Variants in SSX2IP observed in about 807,000 individuals in gnomAD.
SSX2IP encodes the protein afadin- and alpha-actinin-binding protein.
In SSX2IP, 55 loss-of-function variants were observed where a neutral mutation model predicts 84.9. That is an observed-to-expected ratio of 0.65 (90% CI 0.52 to 0.81). SSX2IP has a LOEUF of 0.81. Ranked by LOEUF, SSX2IP falls within the 30% of genes least tolerant of loss-of-function variation. SSX2IP has a pLI of 0.00. For synonymous variants in SSX2IP, 239 were observed against 234.7 expected (o/e 1.02, Z -0.17); for missense variants, 664 against 705.2 (o/e 0.94, Z 0.66).
At chr1:84,651,309 G>T (rs1169615066) in intron 12 of SSX2IP, among the ~76,000 whole-genome samples, 1 of 151,468 alleles carries the variant, frequency 6.6e-6, no homozygotes, top group Non-Finnish European at 1.5e-5. Context: ...ACTACATCTT[G>T]AAAAAAGAAA....
chr1:84,685,056 CG>C (rs1465357805), intron 1 of SSX2IP, among the ~76,000 whole-genome samples: 1 of 152,122 alleles, frequency 6.6e-6, no homozygotes, highest in African/African-American at 2.4e-5. Context: ...ATTAAACAAA[CG>C]TGTCATGAGC....
chr1:84,651,941 C>G lies in SSX2IP; in HGVS notation c.1446G>C (p.Met482Ile). Reference protein sequence around the residue: ...ASWLKQQFLNMTTFDHQNSEN... With the variant: ...ASWLKQQFLNITTFDHQNSEN... ...CTGAGTTCTGGTGGTCAAAGGTAGT[C>G]ATATTTAGAAACTGCTGCTTTAACC... Residue 482 changes from methionine (M) to isoleucine (I), a missense_variant, in exon 12 of 14, where the codon ATG (methionine) becomes ATC (isoleucine). Met to Ile is a conservative substitution (Grantham distance 10). Coordinates refer to ENST00000342203, the MANE Select transcript of SSX2IP (RefSeq NM_001166293.2). 6.2e-7 allele frequency: 1 copy of G among 1,613,932 alleles called. No individual in the cohort carries two copies. Among genetic ancestry groups the G allele is most frequent in the Non-Finnish European group, 8.5e-7 (1 of 1,179,896 alleles).
chr1:84,655,998 AGCT>A lies in SSX2IP; in HGVS notation c.1220_1222del (p.Gln407del). 7 of 1,608,734 alleles carry A rather than the reference AGCT, an allele frequency of 4.4e-6. No homozygotes were observed. The highest frequency in any genetic ancestry group is 1.7e-5 in the Admixed American group (1 of 59,030). Reference sequence around the variant, plus strand: ...GGTATCATCATCATATGCAGTAGCGAGCTGCTGCTATTAAAATTTAAAACATAG... The same window carrying A: ...GGTATCATCATCATATGCAGTAGCGAGCTGCTATTAAAATTTAAAACATAG... On this transcript the variant is annotated inframe_deletion, in exon 11 of 14. Coordinates refer to ENST00000342203, the MANE Select transcript of SSX2IP (RefSeq NM_001166293.2).
At chr1:84,656,319 A>G (rs773239996) in intron 10 of SSX2IP, 29 bp downstream of exon 10, 118 of 1,601,506 alleles carry the variant, frequency 7.4e-5, no homozygotes, top group Non-Finnish European at 9.7e-5. Flanking sequence ...TTTCATGGAG[A>G]ACAGCTTTAA....
At chr1:84,681,706 T>C (rs983714067) in intron 1 of SSX2IP, among the ~76,000 whole-genome samples, 2 of 152,226 alleles carry the variant, frequency 1.3e-5, no homozygotes. Context: ...TCCCAAAAAG[T>C]AGCAGCCCTG....
intron 5 of SSX2IP, 115 bp from the exon 6 acceptor site, chr1:84,664,667 A>T: frequency 1.1e-6 from 1 of 900,232 alleles, no homozygotes; most frequent in East Asian, 3.0e-5. Context: ...ATTCTTCCTT[A>T]TTTGTAACCA....
intron 1 of SSX2IP, among the ~76,000 whole-genome samples, chr1:84,687,127 C>T (rs894108258): frequency 1.3e-5 from 2 of 152,018 alleles, no homozygotes; most frequent in Admixed American, 1.3e-4. Flanking sequence ...CTAATCACAC[C>T]CCTACGAAGC....
intron 1 of SSX2IP, among the ~76,000 whole-genome samples, chr1:84,674,906 G>C (rs1333529458): frequency 6.6e-6 from 1 of 152,142 alleles, no homozygotes; most frequent in Non-Finnish European, 1.5e-5. Flanking sequence ...GTTTTTCCAA[G>C]AAAGGGGACT....
Position 84,662,676 on chromosome 1 carries a change from T to C in SSX2IP, c.674-146A>G, listed in dbSNP as rs555371261. 5 of 696,764 alleles carry C rather than the reference T, an allele frequency of 7.2e-6. No individual in the cohort carries two copies. The East Asian group carries it at 1.4e-4, about 20-fold the overall frequency. 43.2% of individuals were successfully genotyped at this position (696,764 alleles called of 1,614,324 possible). ...TTAAACAGCCTAATTTTCGAGTTTC[T>C]AGTTCCACCACTTGTAAGCAATGAG... On this transcript the variant is annotated intron_variant, in intron 6 of 13. Transcript: ENST00000342203.
Position 84,649,865 on chromosome 1 carries a change from G to A in SSX2IP, c.1670+497C>T, listed in dbSNP as rs758318403. On this transcript the variant is annotated intron_variant, in intron 13 of 13. Coordinates refer to ENST00000342203, the MANE Select transcript of SSX2IP (RefSeq NM_001166293.2). Reference sequence around the variant, plus strand: ...GAGCAACATATGGGTTTCCCAGGGTGGAGAGCCATGTTTTTTTACACTGTC... The same window carrying A: ...GAGCAACATATGGGTTTCCCAGGGTAGAGAGCCATGTTTTTTTACACTGTC... The A allele has an allele frequency of 7.4e-5, 37 of 501,266 alleles. No individual in the cohort carries two copies. The Middle Eastern group carries it at 9.7e-4, about 13-fold the overall frequency. The allele number at this position is 501,266 out of a possible 1,614,324, so 31.1% of individuals were successfully genotyped here. A position where few individuals can be genotyped will look rare whatever the true frequency, so the allele number is the denominator to read the frequency against.
At chr1:84,688,379 A>G (rs1402627916) in intron 1 of SSX2IP, among the ~76,000 whole-genome samples, 1 of 152,260 alleles carries the variant, frequency 6.6e-6, no homozygotes, top group Non-Finnish European at 1.5e-5. Flanking sequence ...AGTAAGGCAT[A>G]TTCACAGCTA....
rs1927 is a variant in SSX2IP, at chr1:84,646,497, A to G, written c.*936T>C. ...CCCTAGTTAGTATACAGATATTACTATACTGGTACCCATCTTGTAAGGAAA... is the reference window on the plus strand; with the variant it reads ...CCCTAGTTAGTATACAGATATTACTGTACTGGTACCCATCTTGTAAGGAAA... On this transcript the variant is annotated 3_prime_UTR_variant, in exon 14 of 14. Transcript: ENST00000342203. The G allele has an allele frequency of 0.077, 11,726 of 152,656 alleles. 495 individuals carry two copies. The highest frequency in any genetic ancestry group is 0.095 in the South Asian group (460 of 4,824). The allele number at this position is 152,656 out of a possible 1,614,324, so 9.5% of individuals were successfully genotyped here. A position where few individuals can be genotyped will look rare whatever the true frequency, so the allele number is the denominator to read the frequency against.
At chr1:84,668,879 T>A (rs1181348066) in intron 4 of SSX2IP, among the ~76,000 whole-genome samples, 2 of 152,120 alleles carry the variant, frequency 1.3e-5, no homozygotes, top group African/African-American at 4.8e-5. Context: ...TCTGACAGTA[T>A]GCAAATGCAA....
rs1470260446 is a variant in SSX2IP, at chr1:84,647,228, G to GAACCAGA, written c.*204_*205insTCTGGTT. The GAACCAGA allele has an allele frequency of 2.5e-6, 1 of 394,186 alleles. No individual in the cohort carries two copies. Among genetic ancestry groups the GAACCAGA allele is most frequent in the East Asian group, 3.9e-5 (1 of 25,496 alleles). 24.4% of individuals were successfully genotyped at this position (394,186 alleles called of 1,614,324 possible). ...TTTATTCACAGAACCAGATGCTTCT[G>GAACCAGA]TTACTAAAAATACATATCCAAAGCT... is the stretch of plus-strand genomic sequence containing the variant. On this transcript the variant is annotated 3_prime_UTR_variant, in exon 14 of 14. Coordinates refer to ENST00000342203, the MANE Select transcript of SSX2IP (RefSeq NM_001166293.2).
At chr1:84,655,310 T>C in intron 11 of SSX2IP, 1 of 982,050 alleles carries the variant, frequency 1.0e-6, no homozygotes, top group Non-Finnish European at 1.2e-6. Flanking sequence ...TTTTGTTGAT[T>C]TTTTTTTTTT....
chr1:84,663,057 G>A (rs1652259796), intron 6 of SSX2IP, among the ~76,000 whole-genome samples: 1 of 152,038 alleles, frequency 6.6e-6, no homozygotes, highest in South Asian at 2.1e-4. Context: ...ATCCCATAAA[G>A]CTGAAAATGT....
At chr1:84,671,466 T>C (rs1375975943) in intron 1 of SSX2IP, among the ~76,000 whole-genome samples, 158 bp from the exon 2 acceptor site, 4 of 152,172 alleles carry the variant, frequency 2.6e-5, no homozygotes, top group Non-Finnish European at 4.4e-5. Flanking sequence ...TGTATATACA[T>C]AGAAATATAA....
intron 4 of SSX2IP, 127 bp downstream of exon 4, chr1:84,669,554 T>C: frequency 8.3e-6 from 6 of 723,302 alleles, no homozygotes; most frequent in Non-Finnish European, 1.4e-5. Context: ...AGTTCACTTT[T>C]ACTTACCTGT....
intron 1 of SSX2IP, among the ~76,000 whole-genome samples, chr1:84,683,674 T>C (rs1655391223): frequency 1.3e-5 from 2 of 152,230 alleles, no homozygotes; most frequent in Admixed American, 1.3e-4. Context: ...GCTGAATGAA[T>C]GTCCAAGTTC....
Sources: gnomAD v4.1 joint callset for allele counts (sites outside exome capture counted in the v4.1 genomes callset) on GRCh38, gnomAD v4.1.1 for gene constraint, MANE v1.5 for transcripts, NCBI Gene and HGNC (gene_info 2026-07-23, HGNC 2026-07-21) for gene names.